CAPN2: variants seen among roughly 807,000 people sequenced by gnomAD.
The protein encoded by CAPN2 is calpain-2 catalytic subunit.
A neutral mutation model predicts 102.3 loss-of-function variants in CAPN2; 92 were observed. That is an observed-to-expected ratio of 0.90 (90% CI 0.76 to 1.07). The LOEUF is 1.07. CAPN2 is among the 50% of genes least tolerant of loss of function. CAPN2 has a pLI of 0.00. For synonymous variants in CAPN2, 340 were observed against 355.4 expected, an observed-to-expected ratio of 0.96 and a Z score of 0.49; for missense variants, 800 against 909.4, an observed-to-expected ratio of 0.88 and a Z score of 1.55.
At chr1:223,761,687 T>TC in intron 13 of CAPN2, 70 bp downstream of exon 13, 5 of 1,323,214 alleles carry the variant, frequency 3.8e-6, no homozygotes, top group Non-Finnish European at 5.4e-6. Flanking sequence ...GCAAAAAAAC[T>TC]CCAAGAGTTT....
rs1661474364 is a variant in CAPN2 at position 223,771,694 on chromosome 1, G to A, written c.1904-115G>A. On this transcript the variant is annotated intron_variant, in intron 18 of 20. Coordinates refer to ENST00000295006, the MANE Select transcript of CAPN2 (RefSeq NM_001748.5). ...CAGTCTCACAGAAGAGCAGCCAAGGGACAAAAGCAATTATACCTCATTTAA... is the reference window on the plus strand; with the variant it reads ...CAGTCTCACAGAAGAGCAGCCAAGGAACAAAAGCAATTATACCTCATTTAA... The A allele has an allele frequency of 1.1e-5, 8 of 738,872 alleles. No homozygotes were observed. The East Asian group carries it at 2.0e-4, about 18-fold the overall frequency. 45.8% of individuals were successfully genotyped at this position (738,872 alleles called of 1,614,324 possible).
intron 2 of CAPN2, among the ~76,000 whole-genome samples, chr1:223,738,281 C>T (rs1391655155): frequency 1.3e-5 from 2 of 152,074 alleles, no homozygotes; most frequent in African/African-American, 4.8e-5. Context: ...GCCTCAGCCT[C>T]CCAAGTTGCT....
rs553608428 is a variant in CAPN2, at chr1:223,719,236, G to A, written c.307+1405G>A. 4.6e-5 allele frequency among the ~76,000 whole-genome samples: 7 copies of A among 152,182 alleles called. 1 individual carries two copies. In the East Asian group the frequency reaches 1.2e-3, roughly 25 times the overall value. On this transcript the variant is annotated intron_variant, in intron 2 of 20. Coordinates refer to ENST00000295006, the MANE Select transcript of CAPN2 (RefSeq NM_001748.5). ...ATGGAAACTTTGACCAACCCCGGGG[G>A]CTTTAGAGAATCCAGAAACAGCCGG...
intron 2 of CAPN2, among the ~76,000 whole-genome samples, chr1:223,730,670 G>A (rs1400512738): frequency 6.6e-6 from 1 of 152,148 alleles, no homozygotes; most frequent in Non-Finnish European, 1.5e-5. Context: ...GTTAAGGCTG[G>A]TCAGCTGTGC....
chr1:223,764,267 C>T (rs763875092), intron 15 of CAPN2, 60 bp downstream of exon 15: 3 of 1,433,562 alleles, frequency 2.1e-6, no homozygotes, highest in Admixed American at 1.7e-5. Flanking sequence ...TGGGAGGGAA[C>T]ATGGAAATCT....
At chr1:223,717,150 A>G (rs1220469402) in intron 1 of CAPN2, among the ~76,000 whole-genome samples, 2 of 152,082 alleles carry the variant, frequency 1.3e-5, no homozygotes, top group African/African-American at 4.8e-5. Context: ...AAAGGGTTAG[A>G]TCCCGCCTGC....
rs28370034 is a variant in CAPN2 at position 223,726,916 on chromosome 1, C to T, written c.307+9085C>T. ...CAGCTACCCTCTCGCAGGCCTAGCA[C>T]GCTGGCGGGGTGTGCATTTCCTCTA... On this transcript the variant is annotated intron_variant, in intron 2 of 20. Transcript: ENST00000295006. The surrounding 1 kb of genome is among the most constrained non-coding windows in gnomAD (Gnocchi z 4.4). Among the ~76,000 whole-genome samples the T allele has an allele frequency of 0.019, 2,918 of 152,156 alleles. 84 individuals carry two copies. Among genetic ancestry groups the T allele is most frequent in the African/African-American group, 0.066 (2,746 of 41,442 alleles).
In CAPN2 at chr1:223,759,079, G is replaced by C. The variant is rs766870236; in HGVS notation, c.1318-191G>C. On this transcript the variant is annotated intron_variant, in intron 11 of 20. Coordinates refer to ENST00000295006, the MANE Select transcript of CAPN2 (RefSeq NM_001748.5). This position sits in a 1 kb window ranked among gnomAD's most constrained non-coding sequence, Gnocchi z 4.6. ...ATTTTGTTGTTTTGTTGTTGTTGTCGTCGTTATATAGATGAGGGCTTCCTG... is the reference window on the plus strand; with the variant it reads ...ATTTTGTTGTTTTGTTGTTGTTGTCCTCGTTATATAGATGAGGGCTTCCTG... 2 of 608,262 alleles carry C rather than the reference G, an allele frequency of 3.3e-6. No individual in the cohort carries two copies. Among genetic ancestry groups the C allele is most frequent in the Admixed American group, 2.9e-5 (1 of 34,366 alleles). 37.7% of individuals were successfully genotyped at this position (608,262 alleles called of 1,614,324 possible).
intron 16 of CAPN2, among the ~76,000 whole-genome samples, chr1:223,767,169 CTTCT>C (rs932936479): frequency 7.0e-6 from 1 of 143,686 alleles, no homozygotes; most frequent in South Asian, 2.1e-4. Context: ...AGATCGTCGT[CTTCT>C]TTATTTATTT....
At chr1:223,767,310 G>C (rs987124927) in intron 16 of CAPN2, among the ~76,000 whole-genome samples, 2 of 151,246 alleles carry the variant, frequency 1.3e-5, no homozygotes, top group Non-Finnish European at 2.9e-5. Flanking sequence ...TCTAGCATTA[G>C]GTATATCTCC....
At position 223,759,055 on chromosome 1, in the gene CAPN2, T is replaced by C; in HGVS notation, c.1318-215T>C. 1.7e-6 allele frequency: 1 copy of C among 581,804 alleles called. No individual in the cohort carries two copies. The highest frequency in any genetic ancestry group is 3.1e-6 in the Non-Finnish European group (1 of 325,032). 36.0% of individuals were successfully genotyped at this position (581,804 alleles called of 1,614,324 possible). A position where few individuals can be genotyped will look rare whatever the true frequency, so the allele number is the denominator to read the frequency against. On this transcript the variant is annotated intron_variant, in intron 11 of 20. Transcript: ENST00000295006. The surrounding 1 kb of genome is among the most constrained non-coding windows in gnomAD (Gnocchi z 4.6). ...CTGTACTGCTATTTTTTTAAAAAAA[T>C]TTTGTTGTTTTGTTGTTGTTGTCGT...
Position 223,730,222 on chromosome 1 carries a change from A to C in CAPN2, c.307+12391A>C, listed in dbSNP as rs184443572. On this transcript the variant is annotated intron_variant, in intron 2 of 20. Coordinates refer to ENST00000295006, the MANE Select transcript of CAPN2 (RefSeq NM_001748.5). ...CTCAGCTAATCTCTTCAGGATCAGA[A>C]AAAGACCTGAAGGGAAGGTGATTCT... Among the ~76,000 whole-genome samples, 412 of 152,226 alleles carry C rather than the reference A, an allele frequency of 2.7e-3. 2 individuals carry two copies. Among genetic ancestry groups the C allele is most frequent in the African/African-American group, 9.7e-3 (402 of 41,524 alleles).
chr1:223,702,125 G>GGAAGGAAGGAAGGAAGGAAGGAAA (rs386369761), intron 1 of CAPN2, among the ~76,000 whole-genome samples: 10 of 141,338 alleles, frequency 7.1e-5, no homozygotes, highest in African/African-American at 2.6e-4. Flanking sequence ...AAGGAAGGAA[G>GGAAGGAAGGAAGGAAGGAAGGAAA]GAAGGAAGGA....
upstream of CAPN2, among the ~76,000 whole-genome samples, chr1:223,709,994 G>A (rs372617056): frequency 5.9e-5 from 9 of 152,228 alleles, no homozygotes; most frequent in East Asian, 9.7e-4. Context: ...CAATGAAAGG[G>A]GCTCGTGTGG....
At chr1:223,714,493 C>T (rs1302780314) in intron 1 of CAPN2, among the ~76,000 whole-genome samples, 1 of 151,930 alleles carries the variant, frequency 6.6e-6, no homozygotes, top group Non-Finnish European at 1.5e-5. Context: ...GAAAGTGATA[C>T]GCTGACCTGA....
chr1:223,720,357 C>T (rs1237333176), intron 2 of CAPN2, among the ~76,000 whole-genome samples: 1 of 141,716 alleles, frequency 7.1e-6, no homozygotes. Flanking sequence ...CTCTGTTCCC[C>T]AGGGCTGGAG....
At chr1:223,712,485 G>A (rs993175213), upstream of CAPN2, 8 of 1,177,394 alleles carry the variant, frequency 6.8e-6, no homozygotes, top group Non-Finnish European at 8.4e-6. Context: ...GCCACACCCC[G>A]CGGGCCGGGC....
rs188200210 is a variant in CAPN2 at position 223,744,663 on chromosome 1, C to T, written c.426+445C>T. ...ATCATTTGAGGTCAGGAGTTCGAGA[C>T]CAGCCTGGCCAACATGATGAAACCC... On this transcript the variant is annotated intron_variant, in intron 3 of 20. Coordinates refer to ENST00000295006, the MANE Select transcript of CAPN2 (RefSeq NM_001748.5). Among the ~76,000 whole-genome samples, 53 of 152,256 alleles carry T rather than the reference C, an allele frequency of 3.5e-4. 3 individuals carry two copies. In the East Asian group the frequency reaches 9.3e-3, roughly 27 times the overall value.
chr1:223,768,136 A>G (rs1465691873), intron 16 of CAPN2, among the ~76,000 whole-genome samples: 113 of 151,580 alleles, frequency 7.5e-4, no homozygotes, highest in African/African-American at 2.5e-3. Flanking sequence ...CCCATTTTGT[A>G]GGTTGCCTGT....
Sources: gnomAD v4.1 joint callset for allele counts (sites outside exome capture counted in the v4.1 genomes callset) on GRCh38, gnomAD v4.1.1 for gene constraint, Gnocchi (gnomAD v3.1) non-coding constraint, MANE v1.5 for transcripts, NCBI Gene and HGNC (gene_info 2026-07-23, HGNC 2026-07-21) for gene names.